Variants in EXOC4 observed in about 807,000 individuals in gnomAD.
The protein encoded by EXOC4 is SEC8-like 1.
In EXOC4, 71 loss-of-function variants were observed where a neutral mutation model predicts 107.2. The ratio of observed to expected loss-of-function variants is 0.66; its 90% CI spans 0.55 to 0.81. The LOEUF (loss-of-function observed/expected upper bound fraction) is 0.81. Among genes scored for constraint, EXOC4 ranks in the 30% least tolerant of loss-of-function variants. The pLI is 0.00. For missense variants in EXOC4, 1,108 were observed against 1,189.6 expected (o/e 0.93, Z 1.01); for synonymous variants, 456 against 441.2 (o/e 1.03, Z -0.42).
rs1173293924 is a variant in EXOC4, at chr7:133,648,535, T to C, written c.1514+18394T>C. ...GGCTTTAAACACATATATCCCCCAA[T>C]GTACGATATATTCCTTAGTCCTTAT... is the stretch of plus-strand genomic sequence containing the variant. On this transcript the variant is annotated intron_variant, in intron 10 of 17. Transcript: ENST00000253861. Among the ~76,000 whole-genome samples the C allele has an allele frequency of 3.3e-5, 5 of 152,164 alleles. No homozygotes were observed. In the East Asian group the frequency reaches 9.6e-4, roughly 29 times the overall value.
chr7:133,660,506 G>T (rs955889241), intron 10 of EXOC4, among the ~76,000 whole-genome samples: 1 of 152,116 alleles, frequency 6.6e-6, no homozygotes, highest in Non-Finnish European at 1.5e-5. Flanking sequence ...GATAACAGGA[G>T]TATAGCACAA....
chr7:134,036,581 C>G (rs1352140241), intron 17 of EXOC4, among the ~76,000 whole-genome samples: 1 of 152,068 alleles, frequency 6.6e-6, no homozygotes, highest in East Asian at 1.9e-4. Context: ...TAGCAGGACC[C>G]TGTCTCAAAA....
At chr7:133,704,517 C>G (rs1296661768) in intron 10 of EXOC4, among the ~76,000 whole-genome samples, 1 of 152,194 alleles carries the variant, frequency 6.6e-6, no homozygotes, top group East Asian at 1.9e-4. Flanking sequence ...ACATTTTCAA[C>G]AATATCTTTC....
At chr7:133,388,613 G>T (rs187398879) in intron 7 of EXOC4, among the ~76,000 whole-genome samples, 2 of 152,232 alleles carry the variant, frequency 1.3e-5, no homozygotes, top group Non-Finnish European at 2.9e-5. Flanking sequence ...TTGTGCCACT[G>T]CACTCTAGCA....
At chr7:133,463,994 G>A (rs1798656541) in intron 7 of EXOC4, among the ~76,000 whole-genome samples, 1 of 152,086 alleles carries the variant, frequency 6.6e-6, no homozygotes, top group Non-Finnish European at 1.5e-5. Context: ...ACAGATGAAG[G>A]AACTGAGGTT....
chr7:133,760,145 C>T (rs991296735), intron 10 of EXOC4, among the ~76,000 whole-genome samples: 4 of 152,202 alleles, frequency 2.6e-5, no homozygotes, highest in African/African-American at 7.2e-5. Flanking sequence ...ATTGTAAACA[C>T]TGCCTTCCTG....
chr7:133,447,520 ATTTCC>A (rs1043243394), intron 7 of EXOC4, among the ~76,000 whole-genome samples: 2 of 152,034 alleles, frequency 1.3e-5, no homozygotes, highest in Non-Finnish European at 2.9e-5. Flanking sequence ...ATTTTTATGT[ATTTCC>A]TTCTTCAAAT....
In EXOC4 at chr7:133,331,552, C is replaced by A. The variant is rs557646982; in HGVS notation, c.763+14162C>A. Among the ~76,000 whole-genome samples the A allele has an allele frequency of 6.1e-3, 918 of 149,970 alleles. 6 individuals are homozygous for A. The highest frequency in any genetic ancestry group is 0.01 in the Non-Finnish European group (708 of 67,678). On this transcript the variant is annotated intron_variant, in intron 5 of 17. Coordinates refer to ENST00000253861, the MANE Select transcript of EXOC4 (RefSeq NM_021807.4). The stretch of plus-strand genomic sequence containing the variant: ...CAATCTCGGCTCACTGCAGGCTCCG[C>A]CCCCTGGGGTTCATGCCATTCTCCT...
At chr7:134,023,278 A>T (rs1795067170) in intron 17 of EXOC4, among the ~76,000 whole-genome samples, 1 of 152,146 alleles carries the variant, frequency 6.6e-6, no homozygotes, top group Admixed American at 6.5e-5. Flanking sequence ...ACTCAATATG[A>T]TATATCTGAG....
chr7:133,259,804 A>AT (rs1336052260), intron 1 of EXOC4, among the ~76,000 whole-genome samples: 1 of 152,140 alleles, frequency 6.6e-6, no homozygotes, highest in Non-Finnish European at 1.5e-5. Context: ...GCCAGAAATA[A>AT]TTTTTTATTA....
intron 10 of EXOC4, among the ~76,000 whole-genome samples, chr7:133,725,933 T>G (rs1795205827): frequency 6.6e-6 from 1 of 152,152 alleles, no homozygotes; most frequent in Non-Finnish European, 1.5e-5. Context: ...AACAAATAAC[T>G]TAAAGGTGTT....
chr7:133,564,005 G>C (rs1408296755), intron 9 of EXOC4, among the ~76,000 whole-genome samples: 1 of 152,094 alleles, frequency 6.6e-6, no homozygotes, highest in Non-Finnish European at 1.5e-5. Flanking sequence ...TGACATATGA[G>C]TATGATTCAA....
intron 10 of EXOC4, among the ~76,000 whole-genome samples, chr7:133,790,942 C>CTA (rs1796690093): frequency 6.6e-6 from 1 of 152,196 alleles, no homozygotes; most frequent in Non-Finnish European, 1.5e-5. Context: ...AGGAGATGTA[C>CTA]ATTACATCGA....
rs1368565160 is a variant in EXOC4 at position 133,622,582 on chromosome 7, C to T, written c.1418-7463C>T. ...TCAGTTGGACCACTAAATGTGTTTT[C>T]CCCCCAAACGTTGCATACATGATCA... On this transcript the variant is annotated intron_variant, in intron 9 of 17. Coordinates refer to ENST00000253861, the MANE Select transcript of EXOC4 (RefSeq NM_021807.4). Among the ~76,000 whole-genome samples, 3 of 152,004 alleles carry T rather than the reference C, an allele frequency of 2.0e-5. 1 individual carries two copies. The South Asian group carries it at 6.2e-4, about 31-fold the overall frequency.
intron 7 of EXOC4, among the ~76,000 whole-genome samples, chr7:133,410,893 T>C (rs923430958): frequency 1.3e-5 from 2 of 152,200 alleles, no homozygotes; most frequent in Non-Finnish European, 2.9e-5. Flanking sequence ...TATTTTATAT[T>C]CTATTTGAAT....
At chr7:133,276,917 T>C (rs1794007337) in intron 2 of EXOC4, among the ~76,000 whole-genome samples, 1 of 152,316 alleles carries the variant, frequency 6.6e-6, no homozygotes, top group Admixed American at 6.5e-5. Context: ...CTCTTAACCT[T>C]TTTGGAAGCC....
chr7:133,671,620 G>T (rs1429426931), intron 10 of EXOC4, among the ~76,000 whole-genome samples: 1 of 152,110 alleles, frequency 6.6e-6, no homozygotes, highest in Non-Finnish European at 1.5e-5. Flanking sequence ...TATGAAGAAT[G>T]TGCTGTAGGG....
chr7:133,368,908 T>G (rs1419412729), intron 6 of EXOC4, among the ~76,000 whole-genome samples: 1 of 152,242 alleles, frequency 6.6e-6, no homozygotes, highest in Non-Finnish European at 1.5e-5. Flanking sequence ...TGAGGTAATT[T>G]AATGATCTTG....
At chr7:134,019,998 G>T (rs1290008208) in intron 17 of EXOC4, among the ~76,000 whole-genome samples, 4 of 152,086 alleles carry the variant, frequency 2.6e-5, no homozygotes, top group African/African-American at 9.7e-5. Context: ...TGGGTCTTCT[G>T]CTGGCCTTCC....
Sources: allele counts gnomAD v4.1 joint callset (sites outside exome capture counted in the v4.1 genomes callset), GRCh38; gene constraint gnomAD v4.1.1; transcripts MANE v1.5; gene names NCBI Gene and HGNC (gene_info 2026-07-23, HGNC 2026-07-21).